Variants in RBFOX1 observed in about 807,000 individuals in gnomAD.
The protein encoded by RBFOX1 is RNA binding protein fox-1 homolog 1.
RBFOX1 carries 8 observed loss-of-function variants against 57.7 expected under a neutral mutation model. That is an observed-to-expected ratio of 0.14 (90% CI 0.08 to 0.25). RBFOX1 has a LOEUF of 0.25. Ranked by LOEUF, RBFOX1 falls within the 10% of genes least tolerant of loss-of-function variation. The pLI is 1.00. For missense variants in RBFOX1, 611 were observed against 548.5 expected (o/e 1.11, Z -1.14); for synonymous variants, 326 against 222.4 (o/e 1.47, Z -4.15).
chr16:7,236,202 A>G (rs1373829861), intron 4 of RBFOX1, among the ~76,000 whole-genome samples: 1 of 152,236 alleles, frequency 6.6e-6, no homozygotes, highest in African/African-American at 2.4e-5. Context: ...TAAAAATCAA[A>G]GTAAATATTC....
intron 3 of RBFOX1, among the ~76,000 whole-genome samples, chr16:6,804,241 C>T (rs551628466): frequency 6.6e-6 from 1 of 151,786 alleles, no homozygotes; most frequent in Non-Finnish European, 1.5e-5. Context: ...AACTCCTGAC[C>T]TCTTGATCCG....
intron 1 of RBFOX1, among the ~76,000 whole-genome samples, chr16:5,280,829 T>C (rs192821996): frequency 7.6e-4 from 115 of 152,094 alleles, no homozygotes; most frequent in African/African-American, 2.7e-3. Context: ...TTCTTTCTTT[T>C]TTTTTTTGGT....
chr16:7,576,544 A>G (rs1378633265), intron 5 of RBFOX1, among the ~76,000 whole-genome samples: 1 of 152,174 alleles, frequency 6.6e-6, no homozygotes, highest in Non-Finnish European at 1.5e-5. Flanking sequence ...GTATTTCTCC[A>G]TAACAGTTTA....
At chr16:6,068,927 C>T (rs1317134423) in intron 1 of RBFOX1, among the ~76,000 whole-genome samples, 3 of 152,084 alleles carry the variant, frequency 2.0e-5, no homozygotes, top group Non-Finnish European at 4.4e-5. Context: ...CTCAGTTTGG[C>T]CCGGGAACAG....
At chr16:5,248,882 G>A (rs542911472) in intron 1 of RBFOX1, among the ~76,000 whole-genome samples, 1 of 150,266 alleles carries the variant, frequency 6.7e-6, no homozygotes, top group African/African-American at 2.5e-5. Context: ...CAGCTACTCG[G>A]GAAGCTGAGC....
At chr16:6,859,045 G>C (rs972285788) in intron 3 of RBFOX1, among the ~76,000 whole-genome samples, 4 of 148,866 alleles carry the variant, frequency 2.7e-5, no homozygotes, top group African/African-American at 1.0e-4. Flanking sequence ...CCAGGACTGA[G>C]GCTGGAAGGA....
intron 3 of RBFOX1, among the ~76,000 whole-genome samples, chr16:6,712,452 C>A (rs548866484): frequency 9.9e-5 from 15 of 152,178 alleles, no homozygotes; most frequent in Middle Eastern, 3.4e-3. Flanking sequence ...ACCATCCTAA[C>A]CTTTCCTCTC....
intron 4 of RBFOX1, among the ~76,000 whole-genome samples, chr16:7,501,386 A>G (rs1322574358): frequency 2.0e-5 from 3 of 152,226 alleles, no homozygotes; most frequent in Non-Finnish European, 4.4e-5. Context: ...TTATCTTGGC[A>G]TGTATCATTG....
intron 4 of RBFOX1, among the ~76,000 whole-genome samples, chr16:5,961,088 A>C (rs556963514): frequency 1.3e-5 from 2 of 152,310 alleles, no homozygotes; most frequent in East Asian, 1.9e-4. Flanking sequence ...TTTTCCAGGA[A>C]GCTTTTCTAA....
intron 12 of RBFOX1, among the ~76,000 whole-genome samples, chr16:7,659,918 A>G (rs2067267782): frequency 6.6e-6 from 1 of 152,128 alleles, no homozygotes; most frequent in Non-Finnish European, 1.5e-5. Flanking sequence ...AAATACGTAC[A>G]AACAGCACAC....
chr16:7,144,654 G>A (rs1315603721), intron 4 of RBFOX1, among the ~76,000 whole-genome samples: 1 of 151,880 alleles, frequency 6.6e-6, no homozygotes, highest in African/African-American at 2.4e-5. Context: ...CTCCCTTCCT[G>A]CCAGCATTCA....
chr16:7,491,149 T>C (rs2066842216), intron 4 of RBFOX1, among the ~76,000 whole-genome samples: 2 of 152,054 alleles, frequency 1.3e-5, no homozygotes, highest in Admixed American at 1.3e-4. Flanking sequence ...GATATTCAAA[T>C]CATGAGATTC....
At chr16:6,825,856 A>G (rs558387383) in intron 3 of RBFOX1, among the ~76,000 whole-genome samples, 7 of 152,298 alleles carry the variant, frequency 4.6e-5, no homozygotes, top group Admixed American at 2.6e-4. Context: ...GGAGGAATGA[A>G]TATCCTTGGG....
intron 2 of RBFOX1, among the ~76,000 whole-genome samples, chr16:5,553,526 A>T (rs1338691484): frequency 6.6e-6 from 1 of 152,080 alleles, no homozygotes. Flanking sequence ...TGTGTTAGCC[A>T]GGATGGTCTC....
intron 3 of RBFOX1, among the ~76,000 whole-genome samples, chr16:6,732,252 G>C (rs2068805227): frequency 6.6e-6 from 1 of 152,194 alleles, no homozygotes; most frequent in Admixed American, 6.5e-5. Context: ...GATTACAGTG[G>C]TGTTAGATGT....
intron 1 of RBFOX1, chr16:6,038,679 A>C (rs548724308): frequency 2.7e-4 from 40 of 148,910 alleles, no homozygotes; most frequent in African/African-American, 9.8e-4. Flanking sequence ...CCCATTATTA[A>C]GCAAAATGAA....
intron 2 of RBFOX1, among the ~76,000 whole-genome samples, chr16:6,351,188 A>T (rs777738273): frequency 6.6e-6 from 1 of 151,884 alleles, no homozygotes; most frequent in South Asian, 2.1e-4. Flanking sequence ...TCTTTATAAG[A>T]GAATATTTTC....
chr16:6,019,355 C>G lies in RBFOX1; in HGVS notation c.-764C>G. 4.1e-6 allele frequency: 4 copies of G among 985,414 alleles called. No individual in the cohort carries two copies. Among genetic ancestry groups the G allele is most frequent in the Non-Finnish European group, 4.8e-6 (4 of 830,114 alleles). The allele number at this position is 985,414 out of a possible 1,614,324, so 61.0% of individuals were successfully genotyped here. ...TGCCGCCGCCTCCTCCAGCCAGAGTCGGTGGGACTGGCTGCGCTGCCCTGA... is the reference window on the plus strand; with the variant it reads ...TGCCGCCGCCTCCTCCAGCCAGAGTGGGTGGGACTGGCTGCGCTGCCCTGA... On this transcript the variant is annotated 5_prime_UTR_variant, in exon 1 of 16. Transcript: ENST00000550418. The surrounding 1 kb of genome is among the most constrained non-coding windows in gnomAD (Gnocchi z 4.2).
chr16:7,208,786 G>A (rs1052389235), intron 4 of RBFOX1, among the ~76,000 whole-genome samples: 5 of 152,178 alleles, frequency 3.3e-5, no homozygotes, highest in Admixed American at 3.3e-4. Flanking sequence ...ACAGTGAGCT[G>A]TGATTGCAGC....
Sources: gnomAD v4.1 joint callset for allele counts (sites outside exome capture counted in the v4.1 genomes callset) on GRCh38, gnomAD v4.1.1 for gene constraint, Gnocchi (gnomAD v3.1) non-coding constraint, MANE v1.5 for transcripts, NCBI Gene and HGNC (gene_info 2026-07-23, HGNC 2026-07-21) for gene names.